Variants in CNKSR3 observed in about 807,000 individuals in gnomAD.
CNKSR3 encodes CNKSR family member 3.
CNKSR3 carries 36 observed loss-of-function variants against 67.7 expected under a neutral mutation model. The observed-to-expected ratio is 0.53, with a 90% CI of 0.41 to 0.70. The LOEUF is 0.70. CNKSR3 is among the 30% of genes least tolerant of loss of function. CNKSR3 has a pLI of 0.00. For missense variants in CNKSR3, 630 were observed against 695.2 expected (o/e 0.91, Z 1.05); for synonymous variants, 281 against 271.4 (o/e 1.04, Z -0.35).
At chr6:154,487,065 C>T (rs1407581531) in intron 1 of CNKSR3, among the ~76,000 whole-genome samples, 1 of 152,210 alleles carries the variant, frequency 6.6e-6, no homozygotes, top group Non-Finnish European at 1.5e-5. Context: ...GCACGTGCCA[C>T]CACACCCAGC....
chr6:154,467,286 G>C (rs1057018406), intron 1 of CNKSR3, among the ~76,000 whole-genome samples: 2 of 152,036 alleles, frequency 1.3e-5, no homozygotes, highest in Non-Finnish European at 2.9e-5. Flanking sequence ...AAAGCTTTCT[G>C]CTTGGGCGTC....
chr6:154,504,060 T>C (rs1351598367), intron 1 of CNKSR3, among the ~76,000 whole-genome samples: 1 of 152,220 alleles, frequency 6.6e-6, no homozygotes, highest in African/African-American at 2.4e-5. Context: ...TCCCAGGTGA[T>C]GCTGAAGTTG....
chr6:154,467,552 CAT>C (rs1211894226), intron 1 of CNKSR3, among the ~76,000 whole-genome samples: 1 of 152,142 alleles, frequency 6.6e-6, no homozygotes, highest in East Asian at 1.9e-4. Context: ...AAGCATAGGT[CAT>C]ATTCGTAAGA....
intron 9 of CNKSR3, among the ~76,000 whole-genome samples, chr6:154,418,543 C>T (rs1785070015): frequency 6.6e-6 from 1 of 152,292 alleles, no homozygotes; most frequent in East Asian, 1.9e-4. Context: ...CCTCTCTCTC[C>T]TTCAGAATCC....
At chr6:154,431,665 C>T (rs980830725) in intron 5 of CNKSR3, among the ~76,000 whole-genome samples, 1 of 151,954 alleles carries the variant, frequency 6.6e-6, no homozygotes, top group Non-Finnish European at 1.5e-5. Flanking sequence ...TCCACCACCC[C>T]ATCCCTCACC....
chr6:154,445,068 C>T (rs909799883), intron 2 of CNKSR3, among the ~76,000 whole-genome samples: 1 of 151,582 alleles, frequency 6.6e-6, no homozygotes, highest in African/African-American at 2.4e-5. Context: ...CAACAAAAGG[C>T]TTTAACTTTA....
intron 7 of CNKSR3, among the ~76,000 whole-genome samples, chr6:154,424,745 G>A (rs771344411): frequency 4.0e-5 from 6 of 150,130 alleles, no homozygotes; most frequent in Non-Finnish European, 8.9e-5. Context: ...TTCATCTCAA[G>A]TTTCTGTTTT....
intron 1 of CNKSR3, among the ~76,000 whole-genome samples, chr6:154,491,316 T>C (rs910795779): frequency 2.0e-5 from 3 of 152,182 alleles, no homozygotes; most frequent in Non-Finnish European, 2.9e-5. Flanking sequence ...AGACAGCCCC[T>C]GTCTTATTCA....
At chr6:154,415,177 A>G (rs1185418818) in intron 9 of CNKSR3, among the ~76,000 whole-genome samples, 2 of 145,212 alleles carry the variant, frequency 1.4e-5, no homozygotes, top group African/African-American at 5.1e-5. Flanking sequence ...ATTGACTAGG[A>G]GTATTGCTTG....
intron 4 of CNKSR3, among the ~76,000 whole-genome samples, chr6:154,434,741 ATTTG>A (rs1363734531): frequency 6.6e-6 from 1 of 152,214 alleles, no homozygotes; most frequent in East Asian, 1.9e-4. Flanking sequence ...ACATGTGTGA[ATTTG>A]ATATTATCTT....
chr6:154,468,393 T>TACACACACACACACACAC (rs55806681), intron 1 of CNKSR3, among the ~76,000 whole-genome samples: 7 of 137,316 alleles, frequency 5.1e-5, no homozygotes, highest in South Asian at 2.5e-4. Context: ...ATATATTTTA[T>TACACACACACACACACAC]ACACACACAC....
rs566541206 is a variant in CNKSR3 at position 154,424,102 on chromosome 6, G to T, written c.730-1119C>A. On this transcript the variant is annotated intron_variant, in intron 7 of 12. Coordinates refer to ENST00000607772, the MANE Select transcript of CNKSR3 (RefSeq NM_173515.4). ...AAAAAATTAGCCAGGCATGGTGGCGGGCGCCTGTAGTCCCAGCTACTCAGG... is the reference window on the plus strand; with the variant it reads ...AAAAAATTAGCCAGGCATGGTGGCGTGCGCCTGTAGTCCCAGCTACTCAGG... Among the ~76,000 whole-genome samples the T allele has an allele frequency of 5.3e-5, 8 of 152,126 alleles. No individual in the cohort carries two copies. In the East Asian group the frequency reaches 1.4e-3, roughly 26 times the overall value.
rs1274474598 is a variant in CNKSR3, at chr6:154,399,249, G to C, written c.*7105C>G. On this transcript the variant is annotated 3_prime_UTR_variant, in exon 13 of 13. Transcript: ENST00000607772. ...CACTGGCATTATTTTGCTGCTTATG[G>C]ACAAAAGAATGAGCAATTTCCTGTT... 3 of 152,140 alleles carry C rather than the reference G, an allele frequency of 2.0e-5. No individual in the cohort carries two copies. The highest frequency in any genetic ancestry group is 4.4e-5 in the Non-Finnish European group (3 of 68,036). 9.4% of individuals were successfully genotyped at this position (152,140 alleles called of 1,614,324 possible).
chr6:154,432,796 CCAAT>C (rs1268486248), intron 5 of CNKSR3, among the ~76,000 whole-genome samples: 2 of 152,178 alleles, frequency 1.3e-5, no homozygotes, highest in Non-Finnish European at 2.9e-5. Context: ...TGGTATTTCC[CCAAT>C]CAGACTCATC....
At chr6:154,444,106 A>G (rs1785658864) in intron 2 of CNKSR3, among the ~76,000 whole-genome samples, 2 of 152,204 alleles carry the variant, frequency 1.3e-5, no homozygotes, top group South Asian at 4.1e-4. Context: ...TTTTTAAAAA[A>G]ACATGACGAT....
chr6:154,458,719 C>T (rs1474547823), intron 1 of CNKSR3, among the ~76,000 whole-genome samples: 1 of 152,198 alleles, frequency 6.6e-6, no homozygotes, highest in Non-Finnish European at 1.5e-5. Context: ...GGCTAACTCA[C>T]TTAGTTCTGG....
chr6:154,500,662 T>G (rs939393577), intron 1 of CNKSR3, among the ~76,000 whole-genome samples: 8 of 152,334 alleles, frequency 5.3e-5, no homozygotes, highest in African/African-American at 1.9e-4. Context: ...ACCAAAAGTA[T>G]GGGAGCTATA....
chr6:154,443,611 T>TA (rs1202020991), intron 2 of CNKSR3, among the ~76,000 whole-genome samples: 2 of 151,906 alleles, frequency 1.3e-5, no homozygotes, highest in Non-Finnish European at 1.5e-5. Flanking sequence ...TGGACAATCA[T>TA]AGAGTCATGG....
chr6:154,488,244 A>T (rs951152589), intron 1 of CNKSR3, among the ~76,000 whole-genome samples: 45 of 152,228 alleles, frequency 3.0e-4, no homozygotes, highest in African/African-American at 1.1e-3. Flanking sequence ...TTTTGATGAC[A>T]ATTAAGTCAT....
Sources: gnomAD v4.1 joint callset for allele counts (sites outside exome capture counted in the v4.1 genomes callset) on GRCh38, gnomAD v4.1.1 for gene constraint, MANE v1.5 for transcripts, NCBI Gene and HGNC (gene_info 2026-07-23, HGNC 2026-07-21) for gene names.